Variants in TMEM132D observed in about 807,000 individuals in gnomAD.
The protein encoded by TMEM132D is transmembrane protein 132D, also known as mature OL transmembrane protein.
Under a neutral mutation model 62.3 loss-of-function variants are expected in TMEM132D, and 21 were observed. That is an observed-to-expected ratio of 0.34 (90% confidence interval 0.24 to 0.49). The LOEUF (loss-of-function observed/expected upper bound fraction) is 0.49, where lower values mean the gene tolerates loss of function less well. Ranked by LOEUF, TMEM132D falls within the 20% of genes least tolerant of loss-of-function variation. The pLI is 0.99. For synonymous variants in TMEM132D, 621 were observed against 575.6 expected (o/e 1.08, Z -1.13); for missense variants, 1,346 against 1,402.8 (o/e 0.96, Z 0.65).
intron 3 of TMEM132D, among the ~76,000 whole-genome samples, chr12:129,500,682 C>T (rs1275772596): frequency 6.6e-6 from 1 of 152,200 alleles, no homozygotes; most frequent in Non-Finnish European, 1.5e-5. Context: ...TTCCTCCTTC[C>T]CCCGTCCAAA....
chr12:129,285,555 G>GA (rs1281461198), intron 4 of TMEM132D, among the ~76,000 whole-genome samples: 1 of 118,304 alleles, frequency 8.5e-6, no homozygotes, highest in Non-Finnish European at 1.8e-5. Context: ...GAGAGAGAGA[G>GA]GCTCCCATTA....
chr12:129,151,539 G>T (rs1306821852), intron 5 of TMEM132D, among the ~76,000 whole-genome samples: 2 of 152,186 alleles, frequency 1.3e-5, no homozygotes, highest in African/African-American at 4.8e-5. Context: ...ACACCCAGGG[G>T]TGACATGCGG....
chr12:129,551,435 G>C (rs1480355748), intron 2 of TMEM132D, among the ~76,000 whole-genome samples: 2 of 152,180 alleles, frequency 1.3e-5, no homozygotes, highest in Non-Finnish European at 2.9e-5. Context: ...TAGCAGCTCA[G>C]GGGTTGAATG....
intron 4 of TMEM132D, among the ~76,000 whole-genome samples, chr12:129,289,564 A>G (rs1029786263): frequency 6.7e-6 from 1 of 148,328 alleles, no homozygotes; most frequent in Admixed American, 6.9e-5. Flanking sequence ...AAAAAAAAAA[A>G]GAAAAAAAAG....
At chr12:129,599,839 T>C (rs1374065068) in intron 2 of TMEM132D, among the ~76,000 whole-genome samples, 2 of 152,242 alleles carry the variant, frequency 1.3e-5, no homozygotes, top group African/African-American at 4.8e-5. Flanking sequence ...AATACTTTAT[T>C]GCTAAAACTG....
At chr12:129,196,303 G>C (rs1323089693) in intron 5 of TMEM132D, among the ~76,000 whole-genome samples, 3 of 152,162 alleles carry the variant, frequency 2.0e-5, no homozygotes, top group African/African-American at 7.2e-5. Context: ...TTTATCTCTA[G>C]AAAGGGCATG....
At chr12:129,254,041 G>A (rs1166482134) in intron 4 of TMEM132D, among the ~76,000 whole-genome samples, 1 of 152,184 alleles carries the variant, frequency 6.6e-6, no homozygotes, top group African/African-American at 2.4e-5. Context: ...AAACGGACTT[G>A]GTGTATCAAT....
At chr12:129,753,202 G>A (rs1446031873) in intron 1 of TMEM132D, among the ~76,000 whole-genome samples, 2 of 152,178 alleles carry the variant, frequency 1.3e-5, no homozygotes, top group Admixed American at 6.5e-5. Context: ...GCTATCCTGG[G>A]ATTTAGGGAT....
chr12:129,831,766 G>C (rs541892614), intron 1 of TMEM132D, among the ~76,000 whole-genome samples: 59 of 150,880 alleles, frequency 3.9e-4, no homozygotes, highest in Admixed American at 8.0e-4. Flanking sequence ...ATTAAACCCA[G>C]GGTGCGCATC....
At chr12:129,385,656 C>T (rs1871089047) in intron 3 of TMEM132D, among the ~76,000 whole-genome samples, 1 of 152,188 alleles carries the variant, frequency 6.6e-6, no homozygotes, top group Non-Finnish European at 1.5e-5. Flanking sequence ...TGTGTTCTGA[C>T]AAGAGAGTAA....
chr12:129,636,737 T>TGTGTGTGTGTGTGAGA lies in TMEM132D; in HGVS notation c.968+63072_968+63073insTCTCACACACACACAC, dbSNP rs375868329. On this transcript the variant is annotated intron_variant, in intron 2 of 8. Coordinates refer to ENST00000422113, the MANE Select transcript of TMEM132D (RefSeq NM_133448.3). ...GTGTGTGTGTGTGTGTGTGTGTGTG[T>TGTGTGTGTGTGTGAGA]GAGAGAGAGAGAGAGAGAGACAGAG... Among the ~76,000 whole-genome samples, 228 of 113,616 alleles carry TGTGTGTGTGTGTGAGA rather than the reference T, an allele frequency of 2.0e-3. 1 individual carries two copies. The highest frequency in any genetic ancestry group is 7.3e-3 in the South Asian group (19 of 2,610). The allele number at this position is 113,616 out of a possible 152,430, so 74.5% of individuals were successfully genotyped here. A position where few individuals can be genotyped will look rare whatever the true frequency, so the allele number is the denominator to read the frequency against.
At chr12:129,391,130 T>G (rs1046905344) in intron 3 of TMEM132D, among the ~76,000 whole-genome samples, 2 of 152,260 alleles carry the variant, frequency 1.3e-5, no homozygotes, top group Non-Finnish European at 2.9e-5. Flanking sequence ...TTGTCGTTAA[T>G]GCACTTCTTG....
At chr12:129,528,739 A>T (rs1395528993) in intron 3 of TMEM132D, among the ~76,000 whole-genome samples, 1 of 152,262 alleles carries the variant, frequency 6.6e-6, no homozygotes, top group Non-Finnish European at 1.5e-5. Flanking sequence ...TAATTCTAGA[A>T]CAAATTATCA....
chr12:129,198,600 A>G (rs1424531367), intron 5 of TMEM132D, among the ~76,000 whole-genome samples: 1 of 152,248 alleles, frequency 6.6e-6, no homozygotes, highest in Non-Finnish European at 1.5e-5. Flanking sequence ...TGGAATTTAA[A>G]CTAAAACAAT....
At chr12:129,806,885 C>T (rs947630289) in intron 1 of TMEM132D, among the ~76,000 whole-genome samples, 3 of 151,650 alleles carry the variant, frequency 2.0e-5, no homozygotes, top group Admixed American at 6.6e-5. Flanking sequence ...ATAAATAAAA[C>T]TAGCCAGGCC....
chr12:129,434,303 A>G (rs1009305480), intron 3 of TMEM132D, among the ~76,000 whole-genome samples: 1 of 152,212 alleles, frequency 6.6e-6, no homozygotes, highest in South Asian at 2.1e-4. Context: ...CAGGTAACGG[A>G]TGAGAACATG....
chr12:129,603,586 C>A (rs1878538503), intron 2 of TMEM132D, among the ~76,000 whole-genome samples: 1 of 152,162 alleles, frequency 6.6e-6, no homozygotes, highest in African/African-American at 2.4e-5. Flanking sequence ...CATCACTGGT[C>A]ATTAGAGAAA....
chr12:129,217,628 C>G (rs116601834), intron 4 of TMEM132D, among the ~76,000 whole-genome samples: 4,935 of 152,228 alleles, frequency 0.032, 258 homozygotes, highest in African/African-American at 0.11. Context: ...CATCACTTAA[C>G]TCTGTGTGAG....
In TMEM132D at chr12:129,075,026, C is replaced by T; in HGVS notation, c.2149G>A (p.Asp717Asn). ...ATATCCAAGGGCGTGACTGAGCCAT[C>T]ACTGAACTGGACCCAGCAACTGATG... The part of the protein sequence containing the change: ...AAISCWVQFS[D>N]GSVTPLDIYD... The change falls in exon 9 of 9, where the codon GAT becomes AAT. Residue 717 changes from aspartate to asparagine, a missense_variant. Physicochemically the swap from Asp to Asn is conservative, Grantham distance 23. Coordinates refer to ENST00000422113, the MANE Select transcript of TMEM132D (RefSeq NM_133448.3). 1.2e-6 allele frequency: 2 copies of T among 1,611,978 alleles called. No individual in the cohort carries two copies. The highest frequency in any genetic ancestry group is 1.7e-6 in the Non-Finnish European group (2 of 1,179,954).
Sources: gnomAD v4.1 joint callset for allele counts (sites outside exome capture counted in the v4.1 genomes callset) on GRCh38, gnomAD v4.1.1 for gene constraint, MANE v1.5 for transcripts, NCBI Gene and HGNC (gene_info 2026-07-23, HGNC 2026-07-21) for gene names.